Variants in TIPARP observed in about 807,000 individuals in gnomAD.
The protein encoded by TIPARP is protein mono-ADP-ribosyltransferase TIPARP.
Under a neutral mutation model 56.5 loss-of-function variants are expected in TIPARP, and 12 were observed. That is an observed-to-expected ratio of 0.21 (90% CI 0.14 to 0.34). The LOEUF is 0.34. Ranked by LOEUF, TIPARP falls within the 10% of genes least tolerant of loss-of-function variation. TIPARP has a pLI of 1.00. For synonymous variants in TIPARP, 296 were observed against 265.7 expected (o/e 1.11, Z -1.11); for missense variants, 604 against 781.6 (o/e 0.77, Z 2.71).
intron 4 of TIPARP, among the ~76,000 whole-genome samples, chr3:156,699,723 C>A (rs1244346346): frequency 6.6e-6 from 1 of 152,116 alleles, no homozygotes; most frequent in African/African-American, 2.4e-5. Flanking sequence ...TATGGGCTTA[C>A]AAGAGAACAA....
intron 4 of TIPARP, among the ~76,000 whole-genome samples, chr3:156,702,080 G>T (rs926288667): frequency 6.6e-6 from 1 of 150,762 alleles, no homozygotes; most frequent in South Asian, 2.1e-4. Context: ...TGGTTGTGGT[G>T]GTGGTGGTGG....
Position 156,706,045 on chromosome 3 carries a change from T to G in TIPARP, c.*914T>G, listed in dbSNP as rs1469000253. 1 of 152,662 alleles carries G rather than the reference T, an allele frequency of 6.6e-6. No individual in the cohort carries two copies. The highest frequency in any genetic ancestry group is 2.4e-5 in the African/African-American group (1 of 41,452). The allele number at this position is 152,662 out of a possible 1,614,324, so 9.5% of individuals were successfully genotyped here. On this transcript the variant is annotated 3_prime_UTR_variant, in exon 6 of 6. Coordinates refer to ENST00000295924, the MANE Select transcript of TIPARP (RefSeq NM_015508.5). ...CCAAATTGATAAGGTTATTACTGTGTTTTGCACAAAGTATATTAGCAAAAG... is the reference window on the plus strand; with the variant it reads ...CCAAATTGATAAGGTTATTACTGTGGTTTGCACAAAGTATATTAGCAAAAG...
intron 1 of TIPARP, chr3:156,675,661 C>G (rs1408913174): frequency 1.3e-5 from 2 of 152,282 alleles, no homozygotes; most frequent in Non-Finnish European, 2.9e-5. Flanking sequence ...GGAGGCGTCA[C>G]TCGGACCCGG....
Position 156,679,700 on chromosome 3 carries a change from G to C in TIPARP, c.917+1086G>C, listed in dbSNP as rs1424853001. Reference sequence around the variant, plus strand: ...GTACTGAGATGACCCATATTGGAGGGGAAAATACACTGAATATACCATCCC... The same window carrying C: ...GTACTGAGATGACCCATATTGGAGGCGAAAATACACTGAATATACCATCCC... On this transcript the variant is annotated intron_variant, in intron 2 of 5. Transcript: ENST00000295924. 3.9e-5 allele frequency among the ~76,000 whole-genome samples: 6 copies of C among 152,138 alleles called. No homozygotes were observed. The South Asian group carries it at 1.2e-3, about 32-fold the overall frequency.
chr3:156,700,929 A>G (rs957408225), intron 4 of TIPARP, among the ~76,000 whole-genome samples: 3 of 152,218 alleles, frequency 2.0e-5, no homozygotes, highest in African/African-American at 4.8e-5. Context: ...CGTCTGTGAA[A>G]CATGCAGTAT....
rs963750734 is a variant in TIPARP, at chr3:156,704,721, G to C, written c.1564G>C (p.Asp522His). ...EYMNRKMFGR[D>H]RIINERHLFH... ...TATGAACAGGAAAATGTTTGGCCGT[G>C]ACAGGATAATAAATGAGAGACATTT... The change falls in exon 6 of 6, where the codon GAC becomes CAC. Residue 522 changes from aspartate (D) to histidine (H), a missense_variant. Around this residue, in one of 4 missense-constraint regions of TIPARP, gnomAD observed 252 missense variants for 303.9 expected, o/e 0.83. Transcript: ENST00000295924. The C allele has an allele frequency of 5.0e-6, 8 of 1,614,008 alleles. No homozygotes were observed. Among genetic ancestry groups the C allele is most frequent in the Non-Finnish European group, 6.8e-6 (8 of 1,180,004 alleles).
At chr3:156,699,787 TTCTG>T (rs1240974219) in intron 4 of TIPARP, among the ~76,000 whole-genome samples, 1 of 152,196 alleles carries the variant, frequency 6.6e-6, no homozygotes, top group Non-Finnish European at 1.5e-5. Context: ...ATTTTAATCT[TTCTG>T]TCTAAAACTG....
chr3:156,694,981 G>A (rs1044844765), intron 3 of TIPARP, among the ~76,000 whole-genome samples: 2 of 152,094 alleles, frequency 1.3e-5, no homozygotes, highest in Admixed American at 6.5e-5. Flanking sequence ...ATTAAACTAA[G>A]TAAGTTTAAG....
At position 156,677,980 on chromosome 3, in the gene TIPARP, G is replaced by C; in HGVS notation, c.283G>C (p.Glu95Gln). 6.2e-7 allele frequency: 1 copy of C among 1,614,118 alleles called. No individual in the cohort carries two copies. Among genetic ancestry groups the C allele is most frequent in the Non-Finnish European group, 8.5e-7 (1 of 1,180,036 alleles). ...LHEPMMKKAM[E>Q]INSSCPPAEN... ...TGAACCTATGATGAAGAAAGCCATGGAAATCAATTCATCATGCCCACCAGC... is the reference window on the plus strand; with the variant it reads ...TGAACCTATGATGAAGAAAGCCATGCAAATCAATTCATCATGCCCACCAGC... The change falls in exon 2 of 6, where the codon GAA (glutamate) becomes CAA (glutamine). Residue 95 changes from glutamate (E) to glutamine (Q), a missense_variant. By Grantham distance (29) the Glu-to-Gln change is conservative. Around this residue, in one of 4 missense-constraint regions of TIPARP, gnomAD observed 261 missense variants for 279.2 expected, o/e 0.93. Transcript: ENST00000295924.
chr3:156,684,130 C>A (rs890091617), intron 2 of TIPARP, among the ~76,000 whole-genome samples: 9 of 152,156 alleles, frequency 5.9e-5, no homozygotes, highest in Admixed American at 5.9e-4. Context: ...TTTGGCACAA[C>A]TTGTATGGCT....
Position 156,677,685 on chromosome 3 carries a change from G to GC in TIPARP, c.-12dup. ...TTTTAGACTCTGAGGAGCAGTTGGA[G>GC]CTAATCCACATTATGGAAATGGAAA... On this transcript the variant is annotated 5_prime_UTR_variant, in exon 2 of 6. Transcript: ENST00000295924. 2 of 1,559,678 alleles carry GC rather than the reference G, an allele frequency of 1.3e-6. No homozygotes were observed. Among genetic ancestry groups the GC allele is most frequent in the Non-Finnish European group, 1.7e-6 (2 of 1,158,392 alleles).
At chr3:156,685,822 A>C (rs1341419862) in intron 2 of TIPARP, among the ~76,000 whole-genome samples, 2 of 152,234 alleles carry the variant, frequency 1.3e-5, no homozygotes, top group East Asian at 1.9e-4. Context: ...TGAGGACCAA[A>C]GGGTGAACTT....
At position 156,706,127 on chromosome 3, in the gene TIPARP, T is replaced by C. The variant is rs988226105; in HGVS notation, c.*996T>C. On this transcript the variant is annotated 3_prime_UTR_variant, in exon 6 of 6. Coordinates refer to ENST00000295924, the MANE Select transcript of TIPARP (RefSeq NM_015508.5). ...CCACTCCTACACCTGCTTTGTCAGA[T>C]ACAGCTGGGTTCCCTGGCTGACTCT... is the stretch of plus-strand genomic sequence containing the variant. The C allele has an allele frequency of 6.5e-6, 1 of 152,678 alleles. No homozygotes were observed. The highest frequency in any genetic ancestry group is 1.5e-5 in the Non-Finnish European group (1 of 68,050). The allele number at this position is 152,678 out of a possible 1,614,324, so 9.5% of individuals were successfully genotyped here. A position where few individuals can be genotyped will look rare whatever the true frequency, so the allele number is the denominator to read the frequency against.
At chr3:156,702,081 GTGGTGGTGGTGGTGA>G in intron 4 of TIPARP, among the ~76,000 whole-genome samples, 2 of 150,600 alleles carry the variant, frequency 1.3e-5, no homozygotes, top group Non-Finnish European at 3.0e-5. Context: ...GGTTGTGGTG[GTGGTGGTGGTGGTGA>G]TGGTGGTGTC....
At chr3:156,680,009 T>C (rs1229596722) in intron 2 of TIPARP, among the ~76,000 whole-genome samples, 1 of 152,198 alleles carries the variant, frequency 6.6e-6, no homozygotes, top group Non-Finnish European at 1.5e-5. Context: ...AATTTTAATA[T>C]TTCAGTTATA....
In TIPARP at chr3:156,694,001, TG is replaced by T; in HGVS notation, c.918-18del. 6.4e-7 allele frequency: 1 copy of T among 1,571,356 alleles called. No individual in the cohort carries two copies. The highest frequency in any genetic ancestry group is 8.6e-7 in the Non-Finnish European group (1 of 1,165,816). ...TATTAACAGGTTTTTGGGTTTTTTT[TG>T]TTTTTGTTTTTTTTTAGAGGACAAG... On this transcript the variant is annotated intron_variant, in intron 2 of 5. Coordinates refer to ENST00000295924, the MANE Select transcript of TIPARP (RefSeq NM_015508.5).
chr3:156,694,073 A>C lies in TIPARP; in HGVS notation c.971A>C (p.Glu324Ala). The change falls in exon 3 of 6, where the codon GAA (glutamate) becomes GCA (alanine). Residue 324 changes from glutamate (E) to alanine (A), a missense_variant. Coordinates refer to ENST00000295924, the MANE Select transcript of TIPARP (RefSeq NM_015508.5). ...GCCATGAACGTGTATGAAACAACTG[A>C]ATTTGACCAACTACGAAGGCTGTCC... is the stretch of plus-strand genomic sequence containing the variant. The part of the protein sequence containing the change: ...LNAMNVYETT[E>A]FDQLRRLSTP... 6.2e-7 allele frequency: 1 copy of C among 1,613,494 alleles called. No homozygotes were observed. The highest frequency in any genetic ancestry group is 1.7e-5 in the Admixed American group (1 of 59,922).
At position 156,678,308 on chromosome 3, in the gene TIPARP, A is replaced by G; in HGVS notation, c.611A>G (p.Asp204Gly). The G allele has an allele frequency of 6.2e-7, 1 of 1,614,218 alleles. No homozygotes were observed. The highest frequency in any genetic ancestry group is 8.5e-7 in the Non-Finnish European group (1 of 1,180,042). Residue 204 changes from aspartate (D) to glycine (G), a missense_variant, in exon 2 of 6, where the codon GAT becomes GGT. Physicochemically the swap from Asp to Gly is moderately conservative, Grantham distance 94 (BLOSUM62 -1). Around this residue, in one of 4 missense-constraint regions of TIPARP, gnomAD observed 261 missense variants for 279.2 expected, o/e 0.93. Coordinates refer to ENST00000295924, the MANE Select transcript of TIPARP (RefSeq NM_015508.5). The part of the protein sequence containing the change: ...FTIQYILDTS[D>G]KLSTELFQDK... ...ATCCAATACATTCTGGACACCAGTG[A>G]TAAGCTGAGTACTGAGCTCTTTCAG...
At chr3:156,700,199 C>T (rs1376375285) in intron 4 of TIPARP, among the ~76,000 whole-genome samples, 3 of 152,086 alleles carry the variant, frequency 2.0e-5, no homozygotes, top group Non-Finnish European at 2.9e-5. Flanking sequence ...CCTCGCACTC[C>T]TGGGTTCAAG....
Sources: gnomAD v4.1 joint callset for allele counts (sites outside exome capture counted in the v4.1 genomes callset) on GRCh38, gnomAD v4.1.1 for gene constraint, gnomAD v4.1.1 regional missense constraint, MANE v1.5 for transcripts, NCBI Gene and HGNC (gene_info 2026-07-23, HGNC 2026-07-21) for gene names.